Variants in AKAP19 observed in about 807,000 individuals in gnomAD.
The protein encoded by AKAP19 is A-kinase anchoring protein 19, also known as small A-kinase anchoring protein.
the AKAP19 span, among the ~76,000 whole-genome samples, chr2:190,176,361 T>C: frequency 6.6e-6 from 1 of 152,332 alleles, no homozygotes; most frequent in East Asian, 1.9e-4. The surrounding 1 kb of genome is among the most constrained non-coding windows in gnomAD (Gnocchi z 4.7). Context: ...TTTTCTTTTT[T>C]TCTTGACACA....
At chr2:189,953,728 G>T in the AKAP19 span, among the ~76,000 whole-genome samples, 91,834 of 151,124 alleles carry the variant, frequency 0.61, 31,367 homozygotes, top group South Asian at 0.79. Flanking sequence ...TGTTAGTACA[G>T]TATCAATATC....
the AKAP19 span, among the ~76,000 whole-genome samples, chr2:190,069,175 T>TGTGTGTGTGTGTGTGTGTGTGTGA: frequency 2.4e-5 from 3 of 123,540 alleles, no homozygotes; most frequent in African/African-American, 9.7e-5. Context: ...TGTGTGTGTG[T>TGTGTGTGTGTGTGTGTGTGTGTGA]GAGAGAGAGA....
the AKAP19 span, among the ~76,000 whole-genome samples, chr2:190,173,291 A>G: frequency 6.6e-6 from 1 of 152,176 alleles, no homozygotes; most frequent in Non-Finnish European, 1.5e-5. Context: ...ATATTCGTAC[A>G]TAGATAGTTT....
At chr2:190,046,660 G>GATTATTC in the AKAP19 span, among the ~76,000 whole-genome samples, 1 of 152,240 alleles carries the variant, frequency 6.6e-6, no homozygotes, top group Middle Eastern at 3.4e-3. Context: ...GAAATGAGAG[G>GATTATTC]ATTATTCATA....
the AKAP19 span, among the ~76,000 whole-genome samples, chr2:189,982,888 T>A: frequency 7.7e-4 from 117 of 152,282 alleles, no homozygotes; most frequent in Admixed American, 1.5e-3. Context: ...CCTAAAAGGC[T>A]GACAGTGTGG....
At chr2:190,084,455 G>A in the AKAP19 span, among the ~76,000 whole-genome samples, 150 of 152,246 alleles carry the variant, frequency 9.9e-4, 1 homozygote, top group African/African-American at 3.5e-3. Flanking sequence ...TGAGACCACT[G>A]ATGGGAAGTA....
chr2:190,131,512 C>T, the AKAP19 span, among the ~76,000 whole-genome samples: 5 of 152,148 alleles, frequency 3.3e-5, no homozygotes, highest in Non-Finnish European at 7.3e-5. Context: ...GCATCTCTTC[C>T]ATCTGGCTCT....
the AKAP19 span, among the ~76,000 whole-genome samples, chr2:189,892,860 C>T: frequency 2.0e-5 from 3 of 152,186 alleles, no homozygotes; most frequent in East Asian, 5.8e-4. Context: ...GGTGCTCTGT[C>T]CCAGGGAGAT....
At chr2:190,184,865 G>A in the AKAP19 span, among the ~76,000 whole-genome samples, 4 of 152,108 alleles carry the variant, frequency 2.6e-5, no homozygotes, top group Non-Finnish European at 5.9e-5. Context: ...GGTAAAAACA[G>A]GGCTTTAAAA....
chr2:189,890,874 T>C, the AKAP19 span, among the ~76,000 whole-genome samples: 1 of 152,196 alleles, frequency 6.6e-6, no homozygotes, highest in South Asian at 2.1e-4. Context: ...CTATCCAATT[T>C]GCCAATCTGT....
chr2:189,973,720 A>G, the AKAP19 span, among the ~76,000 whole-genome samples: 1 of 152,132 alleles, frequency 6.6e-6, no homozygotes, highest in Admixed American at 6.5e-5. Flanking sequence ...GGGAGGTTGT[A>G]TGTGTCCAGG....
At chr2:190,079,810 TA>T in the AKAP19 span, 25 of 143,974 alleles carry the variant, frequency 1.7e-4, no homozygotes, top group South Asian at 6.7e-4. Flanking sequence ...GACTCCATCT[TA>T]AAAAAAAAAG....
the AKAP19 span, among the ~76,000 whole-genome samples, chr2:189,946,430 G>A: frequency 3.3e-5 from 5 of 152,204 alleles, no homozygotes; most frequent in East Asian, 9.6e-4. Flanking sequence ...AGCAACATAG[G>A]CCCTGCCTCT....
chr2:189,904,262 C>T, the AKAP19 span, among the ~76,000 whole-genome samples: 12 of 151,946 alleles, frequency 7.9e-5, no homozygotes, highest in African/African-American at 1.9e-4. Flanking sequence ...ATATAATCCT[C>T]GCAGCAATAC....
At chr2:190,090,671 A>C in the AKAP19 span, among the ~76,000 whole-genome samples, 1 of 152,290 alleles carries the variant, frequency 6.6e-6, no homozygotes, top group East Asian at 1.9e-4. Flanking sequence ...CCCTTGCCTG[A>C]TCATGTGTGA....
chr2:190,193,758 G>C, the AKAP19 span, among the ~76,000 whole-genome samples: 24 of 152,178 alleles, frequency 1.6e-4, no homozygotes, highest in African/African-American at 5.8e-4. Context: ...TCTTTTTAAA[G>C]AACCAGCATT....
At chr2:190,089,177 C>T in the AKAP19 span, among the ~76,000 whole-genome samples, 2 of 152,112 alleles carry the variant, frequency 1.3e-5, no homozygotes, top group Admixed American at 1.3e-4. Context: ...TAATCCAAAT[C>T]GATCTTCAAA....
At chr2:189,943,382 A>T in the AKAP19 span, among the ~76,000 whole-genome samples, 41 of 152,348 alleles carry the variant, frequency 2.7e-4, 1 homozygote, top group African/African-American at 8.7e-4. Flanking sequence ...TTGTAGGCAC[A>T]TAGAGTGCAA....
At chr2:190,147,498 T>A in the AKAP19 span, among the ~76,000 whole-genome samples, 2 of 152,346 alleles carry the variant, frequency 1.3e-5, no homozygotes, top group South Asian at 4.1e-4. Flanking sequence ...TTTGGTTCCA[T>A]GTGAATTTTA....
Sources: allele counts gnomAD v4.1 joint callset (sites outside exome capture counted in the v4.1 genomes callset), GRCh38; gene constraint gnomAD v4.1.1; non-coding constraint Gnocchi (gnomAD v3.1); transcripts MANE v1.5; gene names NCBI Gene and HGNC (gene_info 2026-07-23, HGNC 2026-07-21).